UTRN: variants seen among roughly 807,000 people sequenced by gnomAD.
UTRN encodes the protein dystrophin-related protein 1.
UTRN carries 283 observed loss-of-function variants against 463.9 expected under a neutral mutation model. That is an observed-to-expected ratio of 0.61 (90% CI 0.55 to 0.67). UTRN has a LOEUF of 0.67. Ranked by LOEUF, UTRN falls within the 30% of genes least tolerant of loss-of-function variation. UTRN has a pLI of 0.00. For missense variants in UTRN, 3,922 were observed against 4,084.3 expected, an observed-to-expected ratio of 0.96 and a Z score of 1.08; for synonymous variants, 1,442 against 1,431.5, an observed-to-expected ratio of 1.01 and a Z score of -0.17.
chr6:144,503,959 A>C (rs1794464297), intron 34 of UTRN, among the ~76,000 whole-genome samples: 1 of 152,140 alleles, frequency 6.6e-6, no homozygotes, highest in South Asian at 2.1e-4. Flanking sequence ...GAGCTCCTTC[A>C]CATCCCTTGT....
At chr6:144,716,208 T>C (rs1786428376) in intron 53 of UTRN, among the ~76,000 whole-genome samples, 1 of 152,128 alleles carries the variant, frequency 6.6e-6, no homozygotes, top group Non-Finnish European at 1.5e-5. Context: ...GGCATACCTT[T>C]AATTGTTGAG....
chr6:144,563,640 T>C (rs1800127822), intron 50 of UTRN, among the ~76,000 whole-genome samples: 1 of 152,166 alleles, frequency 6.6e-6, no homozygotes, highest in South Asian at 2.1e-4. Context: ...CTTCTTTCCC[T>C]GAAAATCACC....
intron 2 of UTRN, among the ~76,000 whole-genome samples, chr6:144,326,400 C>A (rs898538841): frequency 6.6e-6 from 1 of 151,912 alleles, no homozygotes; most frequent in Non-Finnish European, 1.5e-5. Flanking sequence ...TCTGCCAGGC[C>A]TGAGAAGCTT....
intron 5 of UTRN, 137 bp downstream of exon 5, chr6:144,423,763 C>T: frequency 9.2e-7 from 1 of 1,083,038 alleles, no homozygotes. Context: ...TGAACTTTTT[C>T]TGTGAGTGAA....
intron 14 of UTRN, among the ~76,000 whole-genome samples, chr6:144,444,964 GTT>G (rs1787516904): frequency 6.6e-6 from 1 of 152,134 alleles, no homozygotes; most frequent in South Asian, 2.1e-4. Flanking sequence ...CTCTTTGCCT[GTT>G]CTCTGTCTTT....
rs377053239 is a variant in UTRN, at chr6:144,836,519, G to A, written c.10043G>A (p.Arg3348His). Reference sequence around the variant, plus strand: ...AAACAGCTGGAGTCTCAGCTCCACCGCCTCCGACAGCTGCTGGAGCAGGTA... The same window carrying A: ...AAACAGCTGGAGTCTCAGCTCCACCACCTCCGACAGCTGCTGGAGCAGGTA... ...HNKQLESQLH[R>H]LRQLLEQPES... The change falls in exon 71 of 75, where the codon CGC (arginine) becomes CAC (histidine). Residue 3348 changes from arginine (R) to histidine (H), a missense_variant. Physicochemically the swap from Arg to His is conservative, Grantham distance 29 (BLOSUM62 0). Around this residue, in one of 3 missense-constraint regions of UTRN, gnomAD observed 1,309 missense variants for 1,452.6 expected, o/e 0.90. Transcript: ENST00000367545. 42 of 1,613,502 alleles carry A rather than the reference G, an allele frequency of 2.6e-5. 1 individual carries two copies. The highest frequency in any genetic ancestry group is 4.5e-5 in the East Asian group (2 of 44,828).
At position 144,782,116 on chromosome 6, in the gene UTRN, T is replaced by A; in HGVS notation, c.8827T>A (p.Tyr2943Asn). Residue 2943 changes from tyrosine to asparagine, a missense_variant, in exon 61 of 75, where the codon TAT becomes AAT. By Grantham distance (143) the Tyr-to-Asn change is moderately radical. This residue lies in a region of UTRN where 1,309 missense variants were observed against 1,452.6 expected (regional missense o/e 0.90). Coordinates refer to ENST00000367545, the MANE Select transcript of UTRN (RefSeq NM_007124.3). Reference protein sequence around the residue: ...DMCLNWLLNVYDTGRTGKIRV... With the variant: ...DMCLNWLLNVNDTGRTGKIRV... Reference sequence around the variant, plus strand: ...GTGTCTCAATTGGTTGCTCAATGTCTATGACACGTAAGTTTATATTTTTTC... The same window carrying A: ...GTGTCTCAATTGGTTGCTCAATGTCAATGACACGTAAGTTTATATTTTTTC... 1 of 1,596,026 alleles carries A rather than the reference T, an allele frequency of 6.3e-7. No homozygotes were observed. Among genetic ancestry groups the A allele is most frequent in the Non-Finnish European group, 8.6e-7 (1 of 1,167,314 alleles).
rs1055437409 is a variant in UTRN at position 144,523,187 on chromosome 6, G to C, written c.5905G>C (p.Gly1969Arg). 6.4e-7 allele frequency: 1 copy of C among 1,559,098 alleles called. No individual in the cohort carries two copies. Among genetic ancestry groups the C allele is most frequent in the Non-Finnish European group, 8.7e-7 (1 of 1,155,910 alleles). Residue 1969 changes from glycine to arginine, a missense_variant and splice_region_variant, in exon 41 of 75, where the codon GGT becomes CGT. Gly to Arg is a moderately radical substitution (Grantham distance 125). Around this residue, in one of 3 missense-constraint regions of UTRN, gnomAD observed 2,349 missense variants for 2,303.8 expected, o/e 1.02. Transcript: ENST00000367545. The stretch of plus-strand genomic sequence containing the variant: ...TAATAGAATGTACAGTGATCGGAAA[G>C]GGTATGTGTAAATGAAATTAATATT... ...RINRMYSDRK[G>R]CFDRAMEEWR...
chr6:144,774,249 A>G (rs1280842322), intron 59 of UTRN, 41 bp from the exon 60 acceptor site: 6 of 1,545,220 alleles, frequency 3.9e-6, no homozygotes, highest in Non-Finnish European at 4.4e-6. Flanking sequence ...TATATATTCA[A>G]TAATAAGCCT....
At chr6:144,840,867 G>T in intron 73 of UTRN, 35 bp downstream of exon 73, 4 of 1,595,466 alleles carry the variant, frequency 2.5e-6, no homozygotes, top group Non-Finnish European at 3.4e-6. Flanking sequence ...ACAGCTGCAC[G>T]TGTTCCTTCC....
chr6:144,602,645 G>A (rs1804382598), intron 51 of UTRN, among the ~76,000 whole-genome samples: 2 of 152,170 alleles, frequency 1.3e-5, no homozygotes, highest in African/African-American at 4.8e-5. Flanking sequence ...ACAAATGTTT[G>A]CAAAGTGAAA....
chr6:144,660,748 G>A (rs1238071636), intron 51 of UTRN, among the ~76,000 whole-genome samples: 1 of 152,168 alleles, frequency 6.6e-6, no homozygotes, highest in African/African-American at 2.4e-5. Context: ...AGCTGTGGGT[G>A]GCAGAAGTCG....
intron 58 of UTRN, among the ~76,000 whole-genome samples, chr6:144,765,671 C>T (rs1793221565): frequency 1.3e-5 from 2 of 152,108 alleles, no homozygotes; most frequent in Non-Finnish European, 2.9e-5. Context: ...TTGGCCTCCC[C>T]AAATGCTGGG....
At position 144,531,161 on chromosome 6, in the gene UTRN, G is replaced by C. The variant is rs753032060; in HGVS notation, c.6016G>C (p.Gly2006Arg). Residue 2006 changes from glycine to arginine, a missense_variant, in exon 42 of 75, where the codon GGT (glycine) becomes CGT (arginine). Around this residue, in one of 3 missense-constraint regions of UTRN, gnomAD observed 2,349 missense variants for 2,303.8 expected, o/e 1.02. Transcript: ENST00000367545. ...ATTACTGGTTGATACCTGTGCTCCA[G>C]GTGGCAGCCTGGACTTAGAGAAAGC... ...EELLVDTCAP[G>R]GSLDLEKARI... is the part of the protein sequence containing the mutation. 1.9e-6 allele frequency: 3 copies of C among 1,613,842 alleles called. No homozygotes were observed. The highest frequency in any genetic ancestry group is 2.2e-5 in the East Asian group (1 of 44,864).
chr6:144,549,795 A>G (rs1798741073), intron 47 of UTRN, among the ~76,000 whole-genome samples: 1 of 152,248 alleles, frequency 6.6e-6, no homozygotes, highest in Admixed American at 6.5e-5. Flanking sequence ...CAGTAGGGCC[A>G]ACATTTGTGC....
At chr6:144,478,493 G>A (rs140800173) in intron 25 of UTRN, among the ~76,000 whole-genome samples, 1 of 152,220 alleles carries the variant, frequency 6.6e-6, no homozygotes, top group Non-Finnish European at 1.5e-5. Flanking sequence ...GATCAGCCAG[G>A]CTTGGGAATG....
At chr6:144,517,082 T>TA in intron 39 of UTRN, 134 bp downstream of exon 39, 1 of 729,234 alleles carries the variant, frequency 1.4e-6, no homozygotes, top group Non-Finnish European at 1.9e-6. Context: ...TAGTGTGTGT[T>TA]ACTAGATGTG....
chr6:144,312,830 C>T (rs1775024939), intron 2 of UTRN, among the ~76,000 whole-genome samples: 1 of 152,178 alleles, frequency 6.6e-6, no homozygotes, highest in African/African-American at 2.4e-5. Context: ...ATATTATATT[C>T]TTTTGGCTGA....
chr6:144,554,594 G>T, intron 48 of UTRN, 94 bp from the exon 49 acceptor site: 1 of 1,347,522 alleles, frequency 7.4e-7, no homozygotes, highest in South Asian at 1.4e-5. Context: ...TCTGTTTATA[G>T]ACTTATTTGT....
Sources: allele counts gnomAD v4.1 joint callset (sites outside exome capture counted in the v4.1 genomes callset), GRCh38; gene constraint gnomAD v4.1.1; regional missense constraint gnomAD v4.1.1; transcripts MANE v1.5; gene names NCBI Gene and HGNC (gene_info 2026-07-23, HGNC 2026-07-21).